Variants in SZT2 observed in about 807,000 individuals in gnomAD.
SZT2 encodes SZT2 subunit of KICSTOR complex.
A neutral mutation model predicts 404.2 loss-of-function variants in SZT2; 216 were observed. The observed-to-expected ratio is 0.53, with a 90% CI of 0.48 to 0.60. The LOEUF (loss-of-function observed/expected upper bound fraction) is 0.60, where lower values mean the gene tolerates loss of function less well. SZT2 is among the 20% of genes least tolerant of loss of function. The pLI is 0.00. For missense variants in SZT2, 3,857 were observed against 4,459.2 expected, an observed-to-expected ratio of 0.86 and a Z score of 3.85; for synonymous variants, 1,693 against 1,749.9, an observed-to-expected ratio of 0.97 and a Z score of 0.81.
chr1:43,450,626 G>A lies in SZT2; in HGVS notation c.*146G>A. 4 of 1,256,140 alleles carry A rather than the reference G, an allele frequency of 3.2e-6. No homozygotes were observed. The highest frequency in any genetic ancestry group is 4.4e-6 in the Non-Finnish European group (4 of 908,180). 77.8% of individuals were successfully genotyped at this position (1,256,140 alleles called of 1,614,324 possible). On this transcript the variant is annotated 3_prime_UTR_variant, in exon 72 of 72. Coordinates refer to ENST00000634258, the MANE Select transcript of SZT2 (RefSeq NM_001365999.1). This position sits in a 1 kb window ranked among gnomAD's most constrained non-coding sequence, Gnocchi z 4.3. ...ACCAAAGGCTTTGTAACTATGTCTTGAGGGTCTGCTGCCCCAGCCTGGCAG... is the reference window on the plus strand; with the variant it reads ...ACCAAAGGCTTTGTAACTATGTCTTAAGGGTCTGCTGCCCCAGCCTGGCAG...
At position 43,448,889 on chromosome 1, in the gene SZT2, G is replaced by A. The variant is rs550151270; in HGVS notation, c.10086+161G>A. 7.0e-5 allele frequency: 48 copies of A among 681,866 alleles called. No individual in the cohort carries two copies. The highest frequency in any genetic ancestry group is 1.2e-4 in the Admixed American group (5 of 40,992). The allele number at this position is 681,866 out of a possible 1,614,324, so 42.2% of individuals were successfully genotyped here. On this transcript the variant is annotated intron_variant, in intron 70 of 71. Transcript: ENST00000634258. This position sits in a 1 kb window ranked among gnomAD's most constrained non-coding sequence, Gnocchi z 4.2. ...TAAAACCCTTCCAGTACCGGGCATC[G>A]AGCTACAGCATGTGATTCTCTGAGC...
chr1:43,447,723 A>G lies in SZT2; in HGVS notation c.9440+25A>G, dbSNP rs745528142. The stretch of plus-strand genomic sequence containing the variant: ...GGTAAGGCTGAGAGGGGCATCCAGC[A>G]TGCACGCTGCAGGAGCTGGGGTTGG... On this transcript the variant is annotated intron_variant, in intron 67 of 71. Transcript: ENST00000634258. The G allele has an allele frequency of 6.8e-6, 11 of 1,612,066 alleles. No homozygotes were observed. In the East Asian group the frequency reaches 1.3e-4, roughly 20 times the overall value.
chr1:43,397,281 A>G (rs111456984), intron 1 of SZT2, among the ~76,000 whole-genome samples: 1 of 151,748 alleles, frequency 6.6e-6, no homozygotes, highest in African/African-American at 2.4e-5. Context: ...ACAAAAATTA[A>G]CTGGGTGTGG....
At position 43,434,496 on chromosome 1, in the gene SZT2, G is replaced by A. The variant is rs1654257912; in HGVS notation, c.5904+11G>A. 8 of 1,582,662 alleles carry A rather than the reference G, an allele frequency of 5.1e-6. No individual in the cohort carries two copies. Among genetic ancestry groups the A allele is most frequent in the Non-Finnish European group, 6.9e-6 (8 of 1,164,656 alleles). The stretch of plus-strand genomic sequence containing the variant: ...AGGGAGGTCAACCAGGTAAGGGGCA[G>A]GACTCTCCAGACCCGGACACACAGA... On this transcript the variant is annotated intron_variant, in intron 41 of 71. Coordinates refer to ENST00000634258, the MANE Select transcript of SZT2 (RefSeq NM_001365999.1).
At chr1:43,429,514 AAG>A (rs1216764889) in intron 28 of SZT2, 187 bp from the exon 29 acceptor site, 9 of 624,562 alleles carry the variant, frequency 1.4e-5, no homozygotes, top group Non-Finnish European at 2.5e-5. Context: ...AAAAAAGAAA[AAG>A]AAATATGGAG....
In SZT2 at chr1:43,437,403, C is replaced by G; in HGVS notation, c.6188-3C>G. 1 of 1,614,106 alleles carries G rather than the reference C, an allele frequency of 6.2e-7. No homozygotes were observed. Among genetic ancestry groups the G allele is most frequent in the Non-Finnish European group, 8.5e-7 (1 of 1,180,004 alleles). On this transcript the variant is annotated splice_region_variant and splice_polypyrimidine_tract_variant and intron_variant, in intron 43 of 71. Transcript: ENST00000634258. This position sits in a 1 kb window ranked among gnomAD's most constrained non-coding sequence, Gnocchi z 5.3. ...GTTTCCTGAGCCCATGTTATTCCCCCAGCCATCCAGGCCCTGCGCTCTGTG... is the reference window on the plus strand; with the variant it reads ...GTTTCCTGAGCCCATGTTATTCCCCGAGCCATCCAGGCCCTGCGCTCTGTG...
At chr1:43,394,264 A>G (rs1221124721) in intron 1 of SZT2, among the ~76,000 whole-genome samples, 1 of 137,790 alleles carries the variant, frequency 7.3e-6, no homozygotes, top group Non-Finnish European at 1.5e-5. Flanking sequence ...GCTGGAGTGC[A>G]GTGGCGTGAT....
chr1:43,445,937 C>G lies in SZT2; in HGVS notation c.8869C>G (p.Arg2957Gly). ...CATGGCTATCCTTGGAACAGAGGGTCGAGGCTCCTTCTCCTGCCCTAAAAC... is the reference window on the plus strand; with the variant it reads ...CATGGCTATCCTTGGAACAGAGGGTGGAGGCTCCTTCTCCTGCCCTAAAAC... ...RAMAILGTEG[R>G]GSFSCPKTKT... is the part of the protein sequence containing the mutation. Residue 2957 changes from arginine (R) to glycine (G), a missense_variant, in exon 63 of 72, where the codon CGA becomes GGA. This residue lies in a region of SZT2 where 717 missense variants were observed against 868.2 expected (regional missense o/e 0.83). Transcript: ENST00000634258. The G allele has an allele frequency of 6.2e-7, 1 of 1,614,236 alleles. No homozygotes were observed. Among genetic ancestry groups the G allele is most frequent in the Non-Finnish European group, 8.5e-7 (1 of 1,180,042 alleles).
Position 43,452,611 on chromosome 1 carries a change from C to CT in SZT2, c.*2134dup, listed in dbSNP as rs953787591. The stretch of plus-strand genomic sequence containing the variant: ...AACCTGTAACCTGCTAAATTCTCAC[C>CT]TTTAAAAATTGTCCTGACCTTTGCT... On this transcript the variant is annotated 3_prime_UTR_variant, in exon 72 of 72. Transcript: ENST00000634258. 3 of 596,486 alleles carry CT rather than the reference C, an allele frequency of 5.0e-6. No homozygotes were observed. The highest frequency in any genetic ancestry group is 9.0e-6 in the Non-Finnish European group (3 of 334,068). The allele number at this position is 596,486 out of a possible 1,614,324, so 36.9% of individuals were successfully genotyped here. A position where few individuals can be genotyped will look rare whatever the true frequency, so the allele number is the denominator to read the frequency against.
intron 4 of SZT2, among the ~76,000 whole-genome samples, chr1:43,408,840 T>A (rs1389219082): frequency 6.6e-6 from 1 of 152,094 alleles, no homozygotes; most frequent in Non-Finnish European, 1.5e-5. Flanking sequence ...TGTCCCACTT[T>A]CCCTTTTCTG....
intron 41 of SZT2, 141 bp from the exon 42 acceptor site, chr1:43,435,059 C>A: frequency 1.0e-6 from 1 of 1,004,420 alleles, no homozygotes; most frequent in Non-Finnish European, 1.5e-6. Flanking sequence ...GCTTTGACCT[C>A]TCTGTGATGA....
In SZT2 at chr1:43,420,426, C is replaced by T. The variant is rs1652215725; in HGVS notation, c.1261+103C>T. On this transcript the variant is annotated intron_variant, in intron 9 of 71. Coordinates refer to ENST00000634258, the MANE Select transcript of SZT2 (RefSeq NM_001365999.1). The surrounding 1 kb of genome is among the most constrained non-coding windows in gnomAD (Gnocchi z 5.1). ...CATGAAAGAGTGTCACATTGAAGTC[C>T]TTATCACTTGAGACAGTGGGTTTTG... 1 of 1,369,276 alleles carries T rather than the reference C, an allele frequency of 7.3e-7. No homozygotes were observed. Among genetic ancestry groups the T allele is most frequent in the Non-Finnish European group, 9.7e-7 (1 of 1,033,006 alleles). The allele number at this position is 1,369,276 out of a possible 1,614,324, so 84.8% of individuals were successfully genotyped here.
At chr1:43,405,543 T>C (rs1007239198) in intron 4 of SZT2, 3 of 152,240 alleles carry the variant, frequency 2.0e-5, no homozygotes, top group Non-Finnish European at 4.4e-5. Flanking sequence ...TCCCTGAAAC[T>C]GTCCGTGATG....
At chr1:43,430,267 A>G in intron 30 of SZT2, 44 bp from the exon 31 acceptor site, 2 of 1,605,734 alleles carry the variant, frequency 1.2e-6, no homozygotes, top group Non-Finnish European at 1.7e-6. Flanking sequence ...GGATGAGGCA[A>G]GTGGGATTCT....
At position 43,437,732 on chromosome 1, in the gene SZT2, G is replaced by A; in HGVS notation, c.6396+32G>A. ...ATCACTCCCACTCTCTGATGCCCCT[G>A]TGTTCCTCTTGCACTTTGCTCTCTG... On this transcript the variant is annotated intron_variant, in intron 45 of 71. Coordinates refer to ENST00000634258, the MANE Select transcript of SZT2 (RefSeq NM_001365999.1). The surrounding 1 kb of genome is among the most constrained non-coding windows in gnomAD (Gnocchi z 5.3). 6.2e-7 allele frequency: 1 copy of A among 1,614,072 alleles called. No individual in the cohort carries two copies. Among genetic ancestry groups the A allele is most frequent in the Non-Finnish European group, 8.5e-7 (1 of 1,179,978 alleles).
chr1:43,420,140 A>C lies in SZT2; in HGVS notation c.1091-13A>C. Reference sequence around the variant, plus strand: ...AACCAGTTTCTCCTTCCCCATCTCCACTGGTCTTCCAGGCTCTCAGCACCG... The same window carrying C: ...AACCAGTTTCTCCTTCCCCATCTCCCCTGGTCTTCCAGGCTCTCAGCACCG... On this transcript the variant is annotated splice_polypyrimidine_tract_variant and intron_variant, in intron 8 of 71. Coordinates refer to ENST00000634258, the MANE Select transcript of SZT2 (RefSeq NM_001365999.1). The surrounding 1 kb of genome is among the most constrained non-coding windows in gnomAD (Gnocchi z 5.1). The C allele has an allele frequency of 6.3e-7, 1 of 1,597,848 alleles. No homozygotes were observed. The highest frequency in any genetic ancestry group is 8.5e-7 in the Non-Finnish European group (1 of 1,179,450).
intron 4 of SZT2, among the ~76,000 whole-genome samples, chr1:43,414,802 T>C (rs947127161): frequency 1.3e-5 from 2 of 152,200 alleles, no homozygotes; most frequent in South Asian, 4.1e-4. Context: ...GAAGATCTTA[T>C]AGTGCCCCCA....
Position 43,443,392 on chromosome 1 carries a change from T to C in SZT2, c.8540T>C (p.Val2847Ala), listed in dbSNP as rs1655294394. The change falls in exon 61 of 72, where the codon GTG (valine) becomes GCG (alanine). Residue 2847 changes from valine (V) to alanine (A), a missense_variant. This residue lies in a region of SZT2 where 717 missense variants were observed against 868.2 expected (regional missense o/e 0.83). Transcript: ENST00000634258. The part of the protein sequence containing the change: ...LETLKQSSRL[V>A]HYCATAMLFD... ...ACCCTGAAGCAGTCATCCCGCCTGG[T>C]GCATTACTGTGCAACAGCCATGCTC... 1 of 1,614,054 alleles carries C rather than the reference T, an allele frequency of 6.2e-7. No individual in the cohort carries two copies. The highest frequency in any genetic ancestry group is 1.3e-5 in the African/African-American group (1 of 74,934).
At chr1:43,443,317 G>A (rs770049853) in intron 60 of SZT2, 35 bp from the exon 61 acceptor site, 25 of 1,614,004 alleles carry the variant, frequency 1.5e-5, no homozygotes, top group Middle Eastern at 1.6e-4. Flanking sequence ...ATCCTGCCCC[G>A]TCACTGCTCC....
Sources: allele counts gnomAD v4.1 joint callset (sites outside exome capture counted in the v4.1 genomes callset), GRCh38; gene constraint gnomAD v4.1.1; regional missense constraint gnomAD v4.1.1; non-coding constraint Gnocchi (gnomAD v3.1); transcripts MANE v1.5; gene names NCBI Gene and HGNC (gene_info 2026-07-23, HGNC 2026-07-21).